The following KCNN2 variants were observed in gnomAD, a reference collection of about 807,000 sequenced individuals.
KCNN2 encodes the protein small conductance calcium-activated potassium channel protein 2.
Under a neutral mutation model 55.5 loss-of-function variants are expected in KCNN2, and 24 were observed. That is an observed-to-expected ratio of 0.43 (90% CI 0.31 to 0.61). The LOEUF (loss-of-function observed/expected upper bound fraction) is 0.61, where lower values mean the gene tolerates loss of function less well. Ranked by LOEUF, KCNN2 falls within the 20% of genes least tolerant of loss-of-function variation. The pLI, the probability that KCNN2 is intolerant of heterozygous loss-of-function variation, is 0.08. For synonymous variants in KCNN2, 431 were observed against 336.1 expected (o/e 1.28, Z -3.09); for missense variants, 754 against 853.6 (o/e 0.88, Z 1.45).
At chr5:114,232,310 A>T (rs1056455596) in intron 2 of KCNN2, among the ~76,000 whole-genome samples, 2 of 151,310 alleles carry the variant, frequency 1.3e-5, no homozygotes, top group Non-Finnish European at 2.9e-5. Flanking sequence ...TTAATTCTAA[A>T]TTAGTGTTAT....
rs77516989 is a variant in KCNN2 at position 114,435,911 on chromosome 5, C to T, written c.1638-27138C>T. ...GTAGATAAGTTAATGAGCATTTGGA[C>T]TTTTACTTTTGGTCATTATGCTTCT... On this transcript the variant is annotated intron_variant, in intron 3 of 7. Transcript: ENST00000673685. 2.7e-3 allele frequency among the ~76,000 whole-genome samples: 411 copies of T among 152,270 alleles called. 3 individuals are homozygous for T. Among genetic ancestry groups the T allele is most frequent in the African/African-American group, 9.6e-3 (398 of 41,546 alleles).
chr5:114,265,018 A>T (rs1218326987), intron 2 of KCNN2, among the ~76,000 whole-genome samples: 1 of 152,202 alleles, frequency 6.6e-6, no homozygotes, highest in East Asian at 1.9e-4. Flanking sequence ...AACAGGACAA[A>T]GTGACTTTTA....
intron 2 of KCNN2, among the ~76,000 whole-genome samples, chr5:114,393,145 C>G (rs992154765): frequency 6.6e-6 from 1 of 152,050 alleles, no homozygotes; most frequent in African/African-American, 2.4e-5. Context: ...TATTGCTCTT[C>G]CACATCAAAC....
At chr5:114,329,594 T>C (rs1332583157) in intron 2 of KCNN2, among the ~76,000 whole-genome samples, 1 of 152,186 alleles carries the variant, frequency 6.6e-6, no homozygotes, top group Admixed American at 6.5e-5. Flanking sequence ...ACTGTTGGCT[T>C]CCTTAGTTTT....
chr5:114,397,621 A>C (rs1163277677), intron 2 of KCNN2, among the ~76,000 whole-genome samples: 1 of 152,070 alleles, frequency 6.6e-6, no homozygotes, highest in Non-Finnish European at 1.5e-5. Context: ...TCTTGACCTC[A>C]AGTGATCTGC....
intron 2 of KCNN2, among the ~76,000 whole-genome samples, chr5:114,318,769 A>T (rs191638319): frequency 6.6e-6 from 1 of 152,018 alleles, no homozygotes; most frequent in East Asian, 1.9e-4. Context: ...TACAGTTTAG[A>T]TTCTCTTCCT....
intron 1 of KCNN2, among the ~76,000 whole-genome samples, chr5:114,163,633 C>G (rs552217536): frequency 5.3e-4 from 81 of 152,090 alleles, no homozygotes; most frequent in African/African-American, 1.9e-3. Flanking sequence ...CTGTTGTTGC[C>G]CCTTTATGCA....
intron 2 of KCNN2, among the ~76,000 whole-genome samples, chr5:114,243,464 A>G (rs545823099): frequency 7.4e-6 from 1 of 135,318 alleles, no homozygotes; most frequent in East Asian, 2.3e-4. Flanking sequence ...CTTGCCCCGT[A>G]CCTGAACCAC....
intron 2 of KCNN2, among the ~76,000 whole-genome samples, chr5:114,344,134 G>A (rs911254178): frequency 4.6e-5 from 7 of 152,082 alleles, no homozygotes; most frequent in Non-Finnish European, 4.4e-5. Context: ...TGAGGTTGAG[G>A]GCATGGTCTT....
intron 1 of KCNN2, among the ~76,000 whole-genome samples, chr5:114,107,907 G>A (rs17136271): frequency 0.046 from 7,016 of 151,882 alleles, 538 homozygotes; most frequent in African/African-American, 0.16. Flanking sequence ...GTTTTGCCGC[G>A]TTCTTGGTTG....
intron 1 of KCNN2, among the ~76,000 whole-genome samples, chr5:114,166,104 A>G (rs1349495020): frequency 6.6e-6 from 1 of 151,926 alleles, no homozygotes; most frequent in East Asian, 1.9e-4. Flanking sequence ...GTTAGTTAGG[A>G]TGGTCTCAAT....
chr5:114,246,398 C>T (rs1417633993), intron 2 of KCNN2, among the ~76,000 whole-genome samples: 1 of 151,170 alleles, frequency 6.6e-6, no homozygotes, highest in Admixed American at 6.6e-5. Flanking sequence ...AGAAGATAAA[C>T]AATGCGTAGG....
At chr5:114,269,692 T>G (rs1755284247) in intron 2 of KCNN2, among the ~76,000 whole-genome samples, 1 of 152,150 alleles carries the variant, frequency 6.6e-6, no homozygotes, top group African/African-American at 2.4e-5. Context: ...TCCGGTTGAC[T>G]GTAAGAATGT....
At chr5:114,135,192 A>T (rs1455617468) in intron 1 of KCNN2, among the ~76,000 whole-genome samples, 2 of 152,084 alleles carry the variant, frequency 1.3e-5, no homozygotes, top group African/African-American at 4.8e-5. Flanking sequence ...AATGCTCAGG[A>T]ATTGTTAACC....
intron 3 of KCNN2, among the ~76,000 whole-genome samples, chr5:114,441,873 C>G (rs1184040343): frequency 6.6e-6 from 1 of 152,132 alleles, no homozygotes; most frequent in Non-Finnish European, 1.5e-5. Context: ...CACAGCCTGT[C>G]CCTCCAGAAT....
At chr5:114,294,853 G>T (rs970652886) in intron 2 of KCNN2, among the ~76,000 whole-genome samples, 4 of 152,074 alleles carry the variant, frequency 2.6e-5, no homozygotes, top group Admixed American at 6.6e-5. Context: ...GAATCTGGGT[G>T]CTCCTGTATT....
intron 1 of KCNN2, among the ~76,000 whole-genome samples, chr5:114,133,865 A>T (rs1392159425): frequency 6.6e-6 from 1 of 152,208 alleles, no homozygotes; most frequent in Non-Finnish European, 1.5e-5. Flanking sequence ...AAAAATGCAC[A>T]GATTCTGATT....
intron 3 of KCNN2, among the ~76,000 whole-genome samples, chr5:114,414,213 A>T (rs936399696): frequency 2.0e-5 from 3 of 152,206 alleles, no homozygotes; most frequent in African/African-American, 7.2e-5. Flanking sequence ...TTTACATGCC[A>T]TAAAAAAAGA....
At chr5:114,139,029 A>G (rs1561491230) in intron 1 of KCNN2, among the ~76,000 whole-genome samples, 2 of 152,110 alleles carry the variant, frequency 1.3e-5, no homozygotes, top group Non-Finnish European at 2.9e-5. Flanking sequence ...ACCTGCCCCA[A>G]TATCTATTTT....
Sources: gnomAD v4.1 joint callset for allele counts (sites outside exome capture counted in the v4.1 genomes callset) on GRCh38, gnomAD v4.1.1 for gene constraint, MANE v1.5 for transcripts, NCBI Gene and HGNC (gene_info 2026-07-23, HGNC 2026-07-21) for gene names.